Variants in SEC11A observed in about 807,000 individuals in gnomAD.
SEC11A encodes the protein signal peptidase complex catalytic subunit SEC11A.
Under a neutral mutation model 25.6 loss-of-function variants are expected in SEC11A, and 14 were observed. The observed-to-expected ratio is 0.55, with a 90% CI of 0.36 to 0.85. The LOEUF (loss-of-function observed/expected upper bound fraction) is 0.85, where lower values mean the gene tolerates loss of function less well. Ranked by LOEUF, SEC11A falls within the 40% of genes least tolerant of loss-of-function variation. The pLI is 0.01. For synonymous variants in SEC11A, 83 were observed against 76.4 expected (o/e 1.09, Z -0.45); for missense variants, 153 against 222.9 (o/e 0.69, Z 2.00).
intron 1 of SEC11A, among the ~76,000 whole-genome samples, chr15:84,710,994 C>G (rs143680795): frequency 6.6e-6 from 1 of 150,814 alleles, no homozygotes; most frequent in Admixed American, 6.6e-5. Context: ...CGCTTGAACC[C>G]GGGGGGCGGA....
At chr15:84,714,018 C>CTTTTTTTTTT (rs34873142) in intron 1 of SEC11A, among the ~76,000 whole-genome samples, 3 of 100,428 alleles carry the variant, frequency 3.0e-5, no homozygotes, top group Admixed American at 1.3e-4. Context: ...CATATACCTT[C>CTTTTTTTTTT]TTTTTTTTTT....
rs775464874 is a variant in SEC11A at position 84,715,989 on chromosome 15, G to A, written c.51+36C>T. The A allele has an allele frequency of 4.4e-6, 7 of 1,607,500 alleles. No individual in the cohort carries two copies. The East Asian group carries it at 1.6e-4, about 36-fold the overall frequency. ...CGCAGCAGCAGCCTCGAAGGGACAA[G>A]AAGAGCCAGGAGAAAAAGAGGACGG... On this transcript the variant is annotated intron_variant, in intron 1 of 5. Coordinates refer to ENST00000268220, the MANE Select transcript of SEC11A (RefSeq NM_014300.4).
chr15:84,695,715 C>A (rs1897748397), intron 1 of SEC11A, among the ~76,000 whole-genome samples: 1 of 152,116 alleles, frequency 6.6e-6, no homozygotes, highest in African/African-American at 2.4e-5. Context: ...GTTTTTCCTG[C>A]ATACTTTTTA....
intron 1 of SEC11A, among the ~76,000 whole-genome samples, chr15:84,715,131 A>C (rs747089546): frequency 1.3e-5 from 2 of 152,192 alleles, no homozygotes; most frequent in African/African-American, 2.4e-5. Context: ...AGTGGCAGTT[A>C]TAAGTACAAA....
chr15:84,701,970 G>A (rs926702059), intron 1 of SEC11A, among the ~76,000 whole-genome samples: 3 of 151,300 alleles, frequency 2.0e-5, no homozygotes, highest in African/African-American at 7.3e-5. Context: ...GGGAGGCTGA[G>A]GCAGGAGAAT....
intron 1 of SEC11A, among the ~76,000 whole-genome samples, chr15:84,692,740 T>C (rs1371407829): frequency 6.6e-6 from 1 of 152,212 alleles, no homozygotes; most frequent in South Asian, 2.1e-4. Flanking sequence ...AAGCTGGTAC[T>C]GGAAAGTACT....
At chr15:84,680,886 C>T (rs927932925) in intron 3 of SEC11A, 54 bp from the exon 4 acceptor site, 66 of 1,511,774 alleles carry the variant, frequency 4.4e-5, no homozygotes, top group Non-Finnish European at 5.4e-5. Flanking sequence ...GCATTTAAAG[C>T]ACAAAATCTG....
chr15:84,675,133 CAT>C (rs1383615042), intron 4 of SEC11A, among the ~76,000 whole-genome samples: 2 of 152,214 alleles, frequency 1.3e-5, no homozygotes, highest in African/African-American at 2.4e-5. Context: ...CAGATAAACT[CAT>C]GTGCTAAAGC....
At chr15:84,704,441 C>T (rs1898037603) in intron 1 of SEC11A, among the ~76,000 whole-genome samples, 1 of 152,020 alleles carries the variant, frequency 6.6e-6, no homozygotes, top group Non-Finnish European at 1.5e-5. Context: ...CCAAATCCAC[C>T]CTCCTTCCTT....
At chr15:84,700,984 C>CAAAA (rs57015135) in intron 1 of SEC11A, among the ~76,000 whole-genome samples, 27 of 78,006 alleles carry the variant, frequency 3.5e-4, no homozygotes, top group Non-Finnish European at 5.1e-4. Flanking sequence ...AACTCCATAT[C>CAAAA]AAAAAAAAAA....
intron 3 of SEC11A, among the ~76,000 whole-genome samples, chr15:84,681,404 C>A (rs1375519996): frequency 1.3e-5 from 2 of 152,056 alleles, no homozygotes; most frequent in East Asian, 1.9e-4. Context: ...CCAAGGTGGG[C>A]GGATCACCTG....
Position 84,679,280 on chromosome 15 carries a change from C to T in SEC11A, c.431+1433G>A, listed in dbSNP as rs752850416. 7.2e-6 allele frequency: 9 copies of T among 1,258,510 alleles called. No individual in the cohort carries two copies. The South Asian group carries it at 8.7e-5, about 12-fold the overall frequency. 78.0% of individuals were successfully genotyped at this position (1,258,510 alleles called of 1,614,324 possible). On this transcript the variant is annotated intron_variant, in intron 4 of 5. Coordinates refer to ENST00000268220, the MANE Select transcript of SEC11A (RefSeq NM_014300.4). ...TGGGGACTAGTATTTCTCAGAAGCA[C>T]TGATGACCTAATTTGGATTATAAAA... is the stretch of plus-strand genomic sequence containing the variant.
intron 3 of SEC11A, among the ~76,000 whole-genome samples, chr15:84,681,295 CT>C (rs1352514360): frequency 1.3e-5 from 2 of 152,190 alleles, no homozygotes; most frequent in Non-Finnish European, 2.9e-5. Flanking sequence ...CAACTAATGA[CT>C]TGCAAGGAAC....
chr15:84,698,002 T>C (rs1299653248), intron 1 of SEC11A, among the ~76,000 whole-genome samples: 1 of 152,196 alleles, frequency 6.6e-6, no homozygotes, highest in Non-Finnish European at 1.5e-5. Context: ...GTGTTTACTA[T>C]TCTTTTTTTT....
intron 1 of SEC11A, among the ~76,000 whole-genome samples, chr15:84,713,592 G>C (rs775873649): frequency 1.3e-5 from 2 of 152,148 alleles, no homozygotes; most frequent in African/African-American, 2.4e-5. Context: ...CACTAACCCT[G>C]AATGTCCTAG....
At chr15:84,675,405 T>G (rs186381681) in intron 4 of SEC11A, among the ~76,000 whole-genome samples, 13 of 152,172 alleles carry the variant, frequency 8.5e-5, no homozygotes, top group Admixed American at 8.5e-4. Context: ...CCACAAAAAT[T>G]AAGAAGAGAC....
At chr15:84,686,167 T>C (rs1168659651) in intron 3 of SEC11A, among the ~76,000 whole-genome samples, 2 of 152,208 alleles carry the variant, frequency 1.3e-5, no homozygotes, top group Non-Finnish European at 2.9e-5. Context: ...CTTTAAATTA[T>C]AGTATTTCCA....
chr15:84,699,700 G>A (rs1897870989), intron 1 of SEC11A, among the ~76,000 whole-genome samples: 1 of 152,032 alleles, frequency 6.6e-6, no homozygotes, highest in Non-Finnish European at 1.5e-5. Context: ...AGAGGCAGGA[G>A]GATAGCTTGA....
At chr15:84,708,560 G>A (rs1268842638) in intron 1 of SEC11A, among the ~76,000 whole-genome samples, 1 of 151,792 alleles carries the variant, frequency 6.6e-6, no homozygotes, top group East Asian at 1.9e-4. Flanking sequence ...AAAAAAAAAA[G>A]TATCAAAGAT....
Sources: allele counts gnomAD v4.1 joint callset (sites outside exome capture counted in the v4.1 genomes callset), GRCh38; gene constraint gnomAD v4.1.1; transcripts MANE v1.5; gene names NCBI Gene and HGNC (gene_info 2026-07-23, HGNC 2026-07-21).